Variants in GPR21 observed in about 807,000 individuals in gnomAD.
The protein encoded by GPR21 is G protein-coupled receptor 21, also known as probable G protein-coupled receptor 21.
Under a neutral mutation model 21.5 loss-of-function variants are expected in GPR21, and 9 were observed. That is an observed-to-expected ratio of 0.42 (90% CI 0.25 to 0.73). The LOEUF is 0.73. GPR21 is among the 30% of genes least tolerant of loss of function. GPR21 has a pLI of 0.27. For synonymous variants in GPR21, 169 were observed against 159.3 expected, an observed-to-expected ratio of 1.06 and a Z score of -0.46; for missense variants, 416 against 428.9, an observed-to-expected ratio of 0.97 and a Z score of 0.27.
downstream of GPR21, among the ~76,000 whole-genome samples, chr9:123,038,967 AT>A (rs1295367885): frequency 6.6e-6 from 1 of 152,158 alleles, no homozygotes; most frequent in Non-Finnish European, 1.5e-5. Flanking sequence ...TAAATGCTTA[AT>A]TTCTCCTAGA....
Position 123,035,379 on chromosome 9 carries a change from CTTCTT to C in GPR21, c.814_818del (p.Phe272ValfsTer22). The C allele has an allele frequency of 6.2e-7, 1 of 1,614,152 alleles. No homozygotes were observed. The highest frequency in any genetic ancestry group is 1.7e-5 in the Admixed American group (1 of 60,018). On this transcript the variant is annotated frameshift_variant, in exon 2 of 2. Transcript: ENST00000616002. LOFTEE classifies it high-confidence loss of function. Reference sequence around the variant, plus strand: ...TCCTCTGGTTGCCATATATCATCTACTTCTTGTTGGAAAGCTCCACTGGCCACAGC... The same window carrying C: ...TCCTCTGGTTGCCATATATCATCTACGTTGGAAAGCTCCACTGGCCACAGC...
In GPR21 at chr9:123,035,569, C is replaced by G. The variant is rs760563616; in HGVS notation, c.1003C>G (p.Pro335Ala). 5 of 1,609,042 alleles carry G rather than the reference C, an allele frequency of 3.1e-6. No homozygotes were observed. The Admixed American group carries it at 5.1e-5, about 16-fold the overall frequency. Residue 335 changes from proline (P) to alanine (A), a missense_variant, in exon 2 of 2, where the codon CCT (proline) becomes GCT (alanine). Pro to Ala is a conservative substitution (Grantham distance 27). Coordinates refer to ENST00000616002, the MANE Select transcript of GPR21 (RefSeq NM_005294.3). Reference sequence around the variant, plus strand: ...TGCAAGTCAGACTACAGCCAACGACCCTTACACAGTTAGAAGCAAAGGCCC... The same window carrying G: ...TGCAAGTCAGACTACAGCCAACGACGCTTACACAGTTAGAAGCAAAGGCCC... ...SCASQTTANDPYTVRSKGPLN... is the reference protein window; with the variant it reads ...SCASQTTANDAYTVRSKGPLN...
At chr9:123,038,804 C>A (rs1255935644), downstream of GPR21, among the ~76,000 whole-genome samples, 1 of 151,574 alleles carries the variant, frequency 6.6e-6, no homozygotes, top group Non-Finnish European at 1.5e-5. Flanking sequence ...GTAGACATTT[C>A]TTATGGCTGT....
At position 123,034,855 on chromosome 9, in the gene GPR21, G is replaced by A. The variant is rs2032530373; in HGVS notation, c.289G>A (p.Glu97Lys). Residue 97 changes from glutamate (E) to lysine (K), a missense_variant, in exon 2 of 2, where the codon GAG becomes AAG. By Grantham distance (56) the Glu-to-Lys change is moderately conservative. Coordinates refer to ENST00000616002, the MANE Select transcript of GPR21 (RefSeq NM_005294.3). ...ACTCCTCCATCACCCCCTTCCAGTA[G>A]AGGAGTCCTTGACTTGCCAGATATT... ...LSLLHHPLPV[E>K]ESLTCQIFGF... 11 of 1,614,084 alleles carry A rather than the reference G, an allele frequency of 6.8e-6. No homozygotes were observed. The highest frequency in any genetic ancestry group is 8.5e-6 in the Non-Finnish European group (10 of 1,179,972).
At chr9:123,039,251 A>G (rs2032828823), downstream of GPR21, among the ~76,000 whole-genome samples, 1 of 152,134 alleles carries the variant, frequency 6.6e-6, no homozygotes, top group African/African-American at 2.4e-5. Context: ...CATCCTCCTA[A>G]AATGACAGTA....
chr9:123,033,873 G>C (rs560610190), intron 1 of GPR21, 131 bp downstream of exon 1: 2 of 152,302 alleles, frequency 1.3e-5, no homozygotes, highest in South Asian at 4.1e-4. Context: ...TGTAGTGAAA[G>C]GTTTTCCTAA....
chr9:123,046,453 A>G, the GPR21 span, among the ~76,000 whole-genome samples: 2 of 152,322 alleles, frequency 1.3e-5, no homozygotes, highest in South Asian at 2.1e-4. Flanking sequence ...TGTAGTGGCC[A>G]AAAGTATGTG....
the GPR21 span, among the ~76,000 whole-genome samples, chr9:123,045,615 C>T: frequency 6.6e-6 from 1 of 152,152 alleles, no homozygotes; most frequent in Non-Finnish European, 1.5e-5. Flanking sequence ...GAAGGATCTT[C>T]ATCTTTGAAT....
At chr9:123,042,471 T>G in the GPR21 span, among the ~76,000 whole-genome samples, 2 of 152,124 alleles carry the variant, frequency 1.3e-5, no homozygotes, top group Non-Finnish European at 1.5e-5. Flanking sequence ...AAAACCCAAC[T>G]GTAACTAACA....
At chr9:123,049,007 T>A in the GPR21 span, among the ~76,000 whole-genome samples, 2 of 152,202 alleles carry the variant, frequency 1.3e-5, no homozygotes, top group Non-Finnish European at 2.9e-5. Flanking sequence ...GGACTTAGAT[T>A]TATTTTTAGA....
chr9:123,037,053 T>G (rs1444315728), downstream of GPR21, among the ~76,000 whole-genome samples: 2 of 152,186 alleles, frequency 1.3e-5, no homozygotes, highest in African/African-American at 4.8e-5. Context: ...CTGGAAGTCT[T>G]CAAGGGACTT....
downstream of GPR21, among the ~76,000 whole-genome samples, chr9:123,036,119 T>C (rs2032644989): frequency 6.6e-6 from 1 of 152,252 alleles, no homozygotes; most frequent in Non-Finnish European, 1.5e-5. Flanking sequence ...AAAGCATAAC[T>C]ACACTGCAAG....
At chr9:123,038,280 C>G (rs962644191), downstream of GPR21, among the ~76,000 whole-genome samples, 1 of 152,148 alleles carries the variant, frequency 6.6e-6, no homozygotes, top group African/African-American at 2.4e-5. Context: ...AGCTTTATTG[C>G]TGGATAAATT....
At chr9:123,046,526 G>T in the GPR21 span, among the ~76,000 whole-genome samples, 2 of 152,186 alleles carry the variant, frequency 1.3e-5, no homozygotes, top group African/African-American at 4.8e-5. Context: ...TGTGAGACCT[G>T]GGGCAAAGTA....
chr9:123,043,906 T>C, the GPR21 span, among the ~76,000 whole-genome samples: 1 of 149,098 alleles, frequency 6.7e-6, no homozygotes, highest in Non-Finnish European at 1.5e-5. Context: ...TTTTCTTTTT[T>C]TTTTTTTTTT....
the GPR21 span, among the ~76,000 whole-genome samples, chr9:123,043,304 G>A: frequency 0.017 from 2,611 of 152,218 alleles, 85 homozygotes; most frequent in African/African-American, 0.06. Context: ...CTATGCAGGA[G>A]ACCTAGAGAG....
chr9:123,047,645 A>G, the GPR21 span, among the ~76,000 whole-genome samples: 17 of 152,120 alleles, frequency 1.1e-4, no homozygotes, highest in Non-Finnish European at 2.4e-4. Context: ...AAAATCTTCA[A>G]TATGATTTTT....
Position 123,035,322 on chromosome 9 carries a change from G to A in GPR21, c.756G>A (p.Met252Ile). Residue 252 changes from methionine to isoleucine, a missense_variant, in exon 2 of 2, where the codon ATG becomes ATA. Met to Ile is a conservative substitution (Grantham distance 10). Transcript: ENST00000616002. ...CCTGTCCTGATAAGCGCTATGCCAT[G>A]GTCCTGTTTCGAATCACTAGTGTAT... ...VQACPDKRYA[M>I]VLFRITSVFY... 6.2e-7 allele frequency: 1 copy of A among 1,614,174 alleles called. No individual in the cohort carries two copies. The highest frequency in any genetic ancestry group is 8.5e-7 in the Non-Finnish European group (1 of 1,180,024).
At chr9:123,037,396 G>A (rs1222645624), downstream of GPR21, among the ~76,000 whole-genome samples, 1 of 152,108 alleles carries the variant, frequency 6.6e-6, no homozygotes, top group African/African-American at 2.4e-5. Context: ...TATGTTTAGT[G>A]TTAGCAAATT....
Sources: allele counts gnomAD v4.1 joint callset (sites outside exome capture counted in the v4.1 genomes callset), GRCh38; gene constraint gnomAD v4.1.1; transcripts MANE v1.5; gene names NCBI Gene and HGNC (gene_info 2026-07-23, HGNC 2026-07-21).